Variants in AKAP13 observed in about 807,000 individuals in gnomAD.
AKAP13 encodes the protein A-kinase anchor protein 13.
In AKAP13, 80 loss-of-function variants were observed where a neutral mutation model predicts 264.5. The observed-to-expected ratio is 0.30, with a 90% CI of 0.25 to 0.36. The LOEUF is 0.36. Ranked by LOEUF, AKAP13 falls within the 10% of genes least tolerant of loss-of-function variation. The probability of loss-of-function intolerance (pLI) is 1.00; values close to 1 mark genes in which losing one functional copy is unlikely to be tolerated. For synonymous variants in AKAP13, 1,380 were observed against 1,250.2 expected, an observed-to-expected ratio of 1.10 and a Z score of -2.19; for missense variants, 3,712 against 3,435.2, an observed-to-expected ratio of 1.08 and a Z score of -2.01.
chr15:85,740,308 G>T (rs568584210), intron 34 of AKAP13, 36 bp downstream of exon 34: 1 of 1,611,912 alleles, frequency 6.2e-7, no homozygotes, highest in Non-Finnish European at 8.5e-7. Flanking sequence ...GCGTTTATTT[G>T]TCTAGAGAAC....
At chr15:85,521,003 G>A (rs1025295112) in intron 2 of AKAP13, among the ~76,000 whole-genome samples, 3 of 152,180 alleles carry the variant, frequency 2.0e-5, no homozygotes, top group African/African-American at 7.2e-5. Context: ...TTGTCAACTG[G>A]AACACAGGAG....
intron 5 of AKAP13, among the ~76,000 whole-genome samples, chr15:85,546,209 A>T (rs774308683): frequency 1.3e-5 from 2 of 152,148 alleles, no homozygotes; most frequent in Non-Finnish European, 2.9e-5. Flanking sequence ...AAAAATAAGT[A>T]GCTGAGATGA....
At position 85,580,572 on chromosome 15, in the gene AKAP13, C is replaced by A. The variant is rs754272717; in HGVS notation, c.2504C>A (p.Pro835His). The change falls in exon 7 of 37, where the codon CCT becomes CAT. Residue 835 changes from proline (P) to histidine (H), a missense_variant. Pro to His is a moderately conservative substitution (Grantham distance 77). Transcript: ENST00000394518. The part of the protein sequence containing the change: ...RDGPDGNSNE[P>H]DTRPLEDRAV... ...GGCCCAGATGGAAATTCGAATGAGC[C>A]TGATACGCGGCCACTAGAAGACAGG... 9 of 1,614,096 alleles carry A rather than the reference C, an allele frequency of 5.6e-6. No individual in the cohort carries two copies. Among genetic ancestry groups the A allele is most frequent in the Non-Finnish European group, 7.6e-6 (9 of 1,180,048 alleles).
intron 26 of AKAP13, chr15:85,726,181 C>T (rs537125395): frequency 1.4e-5 from 6 of 443,344 alleles, no homozygotes; most frequent in Admixed American, 1.2e-4. Context: ...CAAAACAAGG[C>T]TTTGGTGATA....
At chr15:85,553,081 ATTCT>A (rs2078018054) in intron 5 of AKAP13, among the ~76,000 whole-genome samples, 1 of 124,106 alleles carries the variant, frequency 8.1e-6, no homozygotes, top group Non-Finnish European at 1.7e-5. Context: ...AACATCTGTA[ATTCT>A]TTTTTTTTTT....
At chr15:85,693,988 G>A (rs2085432274) in intron 17 of AKAP13, among the ~76,000 whole-genome samples, 1 of 152,174 alleles carries the variant, frequency 6.6e-6, no homozygotes, top group African/African-American at 2.4e-5. Flanking sequence ...GGTTTATGTG[G>A]ATGTAGCCTC....
intron 16 of AKAP13, among the ~76,000 whole-genome samples, chr15:85,687,338 T>G (rs1218336935): frequency 6.6e-6 from 1 of 152,196 alleles, no homozygotes; most frequent in East Asian, 1.9e-4. Context: ...TTTTTTAATC[T>G]GAAAGGACTG....
intron 23 of AKAP13, among the ~76,000 whole-genome samples, chr15:85,720,433 G>A (rs1297682261): frequency 6.6e-6 from 1 of 152,146 alleles, no homozygotes; most frequent in African/African-American, 2.4e-5. Context: ...TCATCAAGGT[G>A]TGGTATGGTT....
At position 85,580,250 on chromosome 15, in the gene AKAP13, C is replaced by T. The variant is rs1372508488; in HGVS notation, c.2182C>T (p.Arg728Cys). ...TGACCCTGTAAGGGATACCCAGGAA[C>T]GTGCGGATTTTTGTCCTTTCAAAGT... ...TSDPVRDTQE[R>C]ADFCPFKVVD... The change falls in exon 7 of 37, where the codon CGT (arginine) becomes TGT (cysteine). Residue 728 changes from arginine (R) to cysteine (C), a missense_variant. Transcript: ENST00000394518. 3.1e-6 allele frequency: 5 copies of T among 1,614,182 alleles called. No homozygotes were observed. Among genetic ancestry groups the T allele is most frequent in the Non-Finnish European group, 4.2e-6 (5 of 1,180,032 alleles).
In AKAP13 at chr15:85,457,603, A is replaced by T. The variant is rs796666256; in HGVS notation, c.-11-28107A>T. On this transcript the variant is annotated intron_variant, in intron 1 of 36. Coordinates refer to ENST00000394518, the MANE Select transcript of AKAP13 (RefSeq NM_007200.5). ...TCTGTATGTCACTCTGTATTTGGAC[A>T]CAGCTGTTTCCTCGGGTTGCATGGT... is the stretch of plus-strand genomic sequence containing the variant. Among the ~76,000 whole-genome samples the T allele has an allele frequency of 2.0e-5, 3 of 152,190 alleles. No homozygotes were observed. The South Asian group carries it at 6.2e-4, about 32-fold the overall frequency.
intron 8 of AKAP13, among the ~76,000 whole-genome samples, chr15:85,592,670 T>C (rs1036019351): frequency 1.3e-5 from 2 of 152,154 alleles, no homozygotes; most frequent in African/African-American, 2.4e-5. Flanking sequence ...CCACACAAAA[T>C]TTAATTCTCA....
chr15:85,615,145 TTTG>T (rs2080877605), intron 8 of AKAP13, among the ~76,000 whole-genome samples: 1 of 152,202 alleles, frequency 6.6e-6, no homozygotes, highest in Non-Finnish European at 1.5e-5. Flanking sequence ...TCCATATTAG[TTTG>T]TTGTTATTTT....
chr15:85,731,093 C>T (rs554986682), intron 30 of AKAP13, among the ~76,000 whole-genome samples: 2 of 150,608 alleles, frequency 1.3e-5, no homozygotes, highest in African/African-American at 4.9e-5. Flanking sequence ...CAACCTCCCC[C>T]TCCTGGGTTC....
intron 5 of AKAP13, 60 bp downstream of exon 5, chr15:85,544,015 A>G (rs764139469): frequency 6.3e-7 from 1 of 1,584,150 alleles, no homozygotes; most frequent in Non-Finnish European, 8.7e-7. Flanking sequence ...CCCGATTCAT[A>G]GGAGTACCAC....
intron 10 of AKAP13, among the ~76,000 whole-genome samples, chr15:85,646,367 C>T (rs2082560315): frequency 6.6e-6 from 1 of 152,028 alleles, no homozygotes; most frequent in Non-Finnish European, 1.5e-5. Flanking sequence ...GTGGAGGTTG[C>T]AGTGAGTCAA....
At chr15:85,406,399 T>TG (rs2071666460) in intron 1 of AKAP13, among the ~76,000 whole-genome samples, 1 of 147,776 alleles carries the variant, frequency 6.8e-6, no homozygotes, top group Non-Finnish European at 1.5e-5. Flanking sequence ...GAAAATAGTT[T>TG]TTTTTTTTGT....
chr15:85,535,636 C>T (rs1359949459), intron 4 of AKAP13: 1 of 152,090 alleles, frequency 6.6e-6, no homozygotes, highest in East Asian at 1.9e-4. Flanking sequence ...CAAGATAGTA[C>T]TGCATTAGTT....
intron 17 of AKAP13, among the ~76,000 whole-genome samples, chr15:85,700,475 G>A (rs1481936192): frequency 1.3e-5 from 2 of 152,170 alleles, no homozygotes; most frequent in Admixed American, 6.5e-5. Flanking sequence ...ATTGCCCAAC[G>A]ATGCCAGAGG....
chr15:85,625,192 C>T (rs2081355637), intron 8 of AKAP13, among the ~76,000 whole-genome samples: 1 of 152,146 alleles, frequency 6.6e-6, no homozygotes, highest in Non-Finnish European at 1.5e-5. Flanking sequence ...TCTACATCAC[C>T]CATTCACTTT....
Sources: gnomAD v4.1 joint callset for allele counts (sites outside exome capture counted in the v4.1 genomes callset) on GRCh38, gnomAD v4.1.1 for gene constraint, MANE v1.5 for transcripts, NCBI Gene and HGNC (gene_info 2026-07-23, HGNC 2026-07-21) for gene names.